The following PNKD variants were observed in gnomAD, a reference collection of about 807,000 sequenced individuals.
PNKD encodes the protein PNKD metallo-beta-lactamase domain containing.
Under a neutral mutation model 45.3 loss-of-function variants are expected in PNKD, and 36 were observed. The ratio of observed to expected loss-of-function variants is 0.80; its 90% CI spans 0.61 to 1.05. The LOEUF (loss-of-function observed/expected upper bound fraction) is 1.05, where lower values mean the gene tolerates loss of function less well. PNKD is among the 50% of genes least tolerant of loss of function. The pLI, the probability that PNKD is intolerant of heterozygous loss-of-function variation, is 0.00. For missense variants in PNKD, 511 were observed against 506.6 expected, an observed-to-expected ratio of 1.01 and a Z score of -0.08; for synonymous variants, 197 against 210.1, an observed-to-expected ratio of 0.94 and a Z score of 0.54.
intron 2 of PNKD, chr2:218,277,907 C>G: frequency 6.2e-7 from 1 of 1,614,070 alleles, no homozygotes; most frequent in Non-Finnish European, 8.5e-7. Context: ...AGCATCTCCA[C>G]ACCCTCCTGC....
At chr2:218,332,787 A>G (rs756643356) in intron 2 of PNKD, among the ~76,000 whole-genome samples, 1 of 151,904 alleles carries the variant, frequency 6.6e-6, no homozygotes, top group African/African-American at 2.4e-5. Flanking sequence ...GAGCTCTCAG[A>G]AAGGGAGTCT....
intron 2 of PNKD, among the ~76,000 whole-genome samples, chr2:218,289,640 A>AC (rs1553662537): frequency 6.6e-6 from 1 of 151,174 alleles, no homozygotes; most frequent in African/African-American, 2.4e-5. Context: ...AAAAAAAAAA[A>AC]AAAAAACTGA....
rs2106299768 is a variant in PNKD, at chr2:218,345,701, A to C, written c.*720A>C. ...GGAGACACTGGAGTCTGGAGTGTGGAGCCCCACAGTCTTGCAGGTCACATG... is the reference window on the plus strand; with the variant it reads ...GGAGACACTGGAGTCTGGAGTGTGGCGCCCCACAGTCTTGCAGGTCACATG... On this transcript the variant is annotated 3_prime_UTR_variant, in exon 10 of 10. Transcript: ENST00000273077. 1 of 152,634 alleles carries C rather than the reference A, an allele frequency of 6.6e-6. No homozygotes were observed. The highest frequency in any genetic ancestry group is 1.9e-4 in the East Asian group (1 of 5,308). The allele number at this position is 152,634 out of a possible 1,614,324, so 9.5% of individuals were successfully genotyped here. A position where few individuals can be genotyped will look rare whatever the true frequency, so the allele number is the denominator to read the frequency against.
chr2:218,308,936 C>T (rs1367171194), intron 2 of PNKD, among the ~76,000 whole-genome samples: 1 of 152,046 alleles, frequency 6.6e-6, no homozygotes, highest in Admixed American at 6.6e-5. Context: ...CTCTCTCTTT[C>T]TCTCTTTCTC....
At chr2:218,309,695 G>C (rs1693542006) in intron 2 of PNKD, among the ~76,000 whole-genome samples, 1 of 151,904 alleles carries the variant, frequency 6.6e-6, no homozygotes, top group Non-Finnish European at 1.5e-5. Flanking sequence ...ACTTTGGGAG[G>C]CCGAGGTGGG....
chr2:218,343,627 G>C lies in PNKD; in HGVS notation c.868+41G>C, dbSNP rs377728566. On this transcript the variant is annotated intron_variant, in intron 8 of 9. Transcript: ENST00000273077. ...ACTACTCCCCATCCTCCAGCCCCAC[G>C]CTCAGCCTGGGACAAGGGCCTTCCC... 14 of 1,483,552 alleles carry C rather than the reference G, an allele frequency of 9.4e-6. No individual in the cohort carries two copies. The Admixed American group carries it at 1.7e-4, about 18-fold the overall frequency. The allele number at this position is 1,483,552 out of a possible 1,614,324, so 91.9% of individuals were successfully genotyped here.
intron 2 of PNKD, among the ~76,000 whole-genome samples, chr2:218,302,043 A>C (rs1472449426): frequency 1.3e-5 from 2 of 152,240 alleles, no homozygotes; most frequent in East Asian, 3.8e-4. Context: ...AAGCTGACTC[A>C]GTGCCCTAAA....
chr2:218,342,107 C>T lies in PNKD; in HGVS notation c.744C>T (p.Cys248=). Residue 248 remains cysteine (C), a synonymous_variant, in exon 7 of 10, where the codon TGC becomes TGT. Coordinates refer to ENST00000273077, the MANE Select transcript of PNKD (RefSeq NM_015488.5). ...LDGEPYKGPS[C]LFSGDLLFLS... Reference sequence around the variant, plus strand: ...GGGAGCCCTACAAGGGTCCCTCCTGCCTCTTCTCAGGGGACCTGCTCTTCC... The same window carrying T: ...GGGAGCCCTACAAGGGTCCCTCCTGTCTCTTCTCAGGGGACCTGCTCTTCC... 1 of 1,613,798 alleles carries T rather than the reference C, an allele frequency of 6.2e-7. No homozygotes were observed. Among genetic ancestry groups the T allele is most frequent in the Non-Finnish European group, 8.5e-7 (1 of 1,179,836 alleles).
chr2:218,270,578 G>C lies in PNKD; in HGVS notation c.43G>C (p.Ala15Pro). The change falls in exon 1 of 10, where the codon GCG becomes CCG. Residue 15 changes from alanine to proline, a missense_variant. Transcript: ENST00000273077. ...VAATALKGRGARNARVLRGIL... is the reference protein window; with the variant it reads ...VAATALKGRGPRNARVLRGIL... ...TGCTACGGCGCTGAAGGGCCGGGGG[G>C]CGAGAAATGCCCGCGTCCTCCGGGG... The C allele has an allele frequency of 8.7e-7, 1 of 1,154,346 alleles. No homozygotes were observed. Among genetic ancestry groups the C allele is most frequent in the African/African-American group, 1.6e-5 (1 of 63,018 alleles). 71.5% of individuals were successfully genotyped at this position (1,154,346 alleles called of 1,614,324 possible).
chr2:218,276,756 C>G (rs934586007), intron 2 of PNKD, among the ~76,000 whole-genome samples: 1 of 152,176 alleles, frequency 6.6e-6, no homozygotes, highest in Non-Finnish European at 1.5e-5. Context: ...CCACCCCTTC[C>G]CCTAGGAGTG....
At chr2:218,285,422 G>A (rs929946303) in intron 2 of PNKD, among the ~76,000 whole-genome samples, 2 of 152,136 alleles carry the variant, frequency 1.3e-5, no homozygotes, top group African/African-American at 4.8e-5. Flanking sequence ...CCTCTCATGG[G>A]TTTTAGCCTC....
At position 218,307,330 on chromosome 2, in the gene PNKD, A is replaced by ATCT. The variant is rs1372277636; in HGVS notation, c.237-32453_237-32452insTCT. Reference sequence around the variant, plus strand: ...TATTATTACATTGTAATATATAATAAAATAATCATACAACTCACCATAAGG... The same window carrying ATCT: ...TATTATTACATTGTAATATATAATAATCTAATAATCATACAACTCACCATAAGG... On this transcript the variant is annotated intron_variant, in intron 2 of 9. Transcript: ENST00000273077. 7.4e-4 allele frequency among the ~76,000 whole-genome samples: 113 copies of ATCT among 152,330 alleles called. 2 individuals carry two copies. The East Asian group carries it at 0.014, about 19-fold the overall frequency.
intron 2 of PNKD, among the ~76,000 whole-genome samples, chr2:218,322,377 A>C (rs1291231962): frequency 6.6e-6 from 1 of 152,140 alleles, no homozygotes; most frequent in Non-Finnish European, 1.5e-5. Context: ...CAGGGACCTT[A>C]ACAACTTCTA....
chr2:218,276,152 C>G, intron 2 of PNKD: 1 of 1,529,758 alleles, frequency 6.5e-7, no homozygotes. Flanking sequence ...CCAGCTTCCC[C>G]CGGGATAGTG....
rs540366644 is a variant in PNKD at position 218,297,947 on chromosome 2, G to A, written c.236+26398G>A. On this transcript the variant is annotated intron_variant, in intron 2 of 9. Transcript: ENST00000273077. Reference sequence around the variant, plus strand: ...CGGGAGGCGGAGCTTGCAGTGAGCCGAGATCACGCCACTGCACTCCAGCCT... The same window carrying A: ...CGGGAGGCGGAGCTTGCAGTGAGCCAAGATCACGCCACTGCACTCCAGCCT... Among the ~76,000 whole-genome samples the A allele has an allele frequency of 2.1e-4, 31 of 148,598 alleles. No individual in the cohort carries two copies. The South Asian group carries it at 5.3e-3, about 25-fold the overall frequency.
chr2:218,338,726 C>T (rs1423968073), intron 2 of PNKD, among the ~76,000 whole-genome samples: 1 of 151,572 alleles, frequency 6.6e-6, no homozygotes, highest in Non-Finnish European at 1.5e-5. Flanking sequence ...TCAGATGATC[C>T]ACCTGCCTCG....
intron 2 of PNKD, among the ~76,000 whole-genome samples, chr2:218,328,356 C>T (rs1694217107): frequency 6.6e-6 from 1 of 152,182 alleles, no homozygotes; most frequent in African/African-American, 2.4e-5. Flanking sequence ...CTGCCCTGAC[C>T]ACCTCACATA....
At chr2:218,300,405 T>G (rs939097645) in intron 2 of PNKD, among the ~76,000 whole-genome samples, 2 of 152,180 alleles carry the variant, frequency 1.3e-5, no homozygotes, top group Non-Finnish European at 2.9e-5. Flanking sequence ...AATCAGAGAA[T>G]TGCTGCCTAT....
intron 2 of PNKD, chr2:218,327,114 T>C (rs185863391): frequency 6.6e-6 from 1 of 152,320 alleles, no homozygotes; most frequent in East Asian, 1.9e-4. Context: ...TCTGGGAGTG[T>C]CTTGCAGAGC....
Sources: gnomAD v4.1 joint callset for allele counts (sites outside exome capture counted in the v4.1 genomes callset) on GRCh38, gnomAD v4.1.1 for gene constraint, MANE v1.5 for transcripts, NCBI Gene and HGNC (gene_info 2026-07-23, HGNC 2026-07-21) for gene names.